The following ACTN2 variants were observed in gnomAD, a reference collection of about 807,000 sequenced individuals.
ACTN2 encodes actinin alpha 2.
A neutral mutation model predicts 113.8 loss-of-function variants in ACTN2; 39 were observed. That is an observed-to-expected ratio of 0.34 (90% confidence interval 0.27 to 0.45). The LOEUF is 0.45. ACTN2 is among the 20% of genes least tolerant of loss of function. The pLI, the probability that ACTN2 is intolerant of heterozygous loss-of-function variation, is 1.00. For synonymous variants in ACTN2, 429 were observed against 444.1 expected, an observed-to-expected ratio of 0.97 and a Z score of 0.43; for missense variants, 992 against 1,177.9, an observed-to-expected ratio of 0.84 and a Z score of 2.31.
In ACTN2 at chr1:236,755,212, A is replaced by G. The variant is rs753010996; in HGVS notation, c.2154+14A>G. On this transcript the variant is annotated intron_variant, in intron 17 of 20. Coordinates refer to ENST00000366578, the MANE Select transcript of ACTN2 (RefSeq NM_001103.4). ...TACACGATGGAGGTACGGCAGCCAGACAGGCGTGTGCCGCTCACTTCTCAC... is the reference window on the plus strand; with the variant it reads ...TACACGATGGAGGTACGGCAGCCAGGCAGGCGTGTGCCGCTCACTTCTCAC... 2 of 1,613,906 alleles carry G rather than the reference A, an allele frequency of 1.2e-6. No individual in the cohort carries two copies. The highest frequency in any genetic ancestry group is 1.7e-6 in the Non-Finnish European group (2 of 1,180,044).
intron 7 of ACTN2, among the ~76,000 whole-genome samples, chr1:236,733,201 C>G (rs1263718537): frequency 6.6e-6 from 1 of 152,156 alleles, no homozygotes; most frequent in Non-Finnish European, 1.5e-5. Flanking sequence ...AGTTTTCCCA[C>G]TTGGGTTAAT....
At chr1:236,719,941 G>A (rs550842566) in intron 3 of ACTN2, among the ~76,000 whole-genome samples, 164 bp from the exon 4 acceptor site, 129 of 152,248 alleles carry the variant, frequency 8.5e-4, no homozygotes, top group African/African-American at 3.0e-3. Context: ...TATGAATACT[G>A]TATTTATAAC....
intron 12 of ACTN2, among the ~76,000 whole-genome samples, chr1:236,747,265 G>A (rs1271010139): frequency 1.3e-5 from 2 of 152,222 alleles, no homozygotes; most frequent in African/African-American, 4.8e-5. Context: ...TCTGAGAGGA[G>A]TGATGTTTAC....
At position 236,749,936 on chromosome 1, in the gene ACTN2, A is replaced by G. The variant is rs115229290; in HGVS notation, c.1656+672A>G. ...TAGCTGCTGAGTTAACTACTTTGCAAACGTGTGCATATTACTGTTTATTTA... is the reference window on the plus strand; with the variant it reads ...TAGCTGCTGAGTTAACTACTTTGCAGACGTGTGCATATTACTGTTTATTTA... On this transcript the variant is annotated intron_variant, in intron 14 of 20. Coordinates refer to ENST00000366578, the MANE Select transcript of ACTN2 (RefSeq NM_001103.4). Among the ~76,000 whole-genome samples, 829 of 152,316 alleles carry G rather than the reference A, an allele frequency of 5.4e-3. 10 individuals carry two copies. The highest frequency in any genetic ancestry group is 0.019 in the African/African-American group (794 of 41,558).
intron 1 of ACTN2, among the ~76,000 whole-genome samples, chr1:236,698,483 A>G (rs959418203): frequency 2.6e-5 from 4 of 152,186 alleles, no homozygotes; most frequent in East Asian, 3.8e-4. Context: ...CACATTTTTG[A>G]GGGGAGGCAG....
intron 10 of ACTN2, among the ~76,000 whole-genome samples, chr1:236,739,976 T>C (rs998142193): frequency 6.6e-6 from 1 of 152,174 alleles, no homozygotes; most frequent in Non-Finnish European, 1.5e-5. Flanking sequence ...CATACAAAAG[T>C]GCTGTCAAAT....
Position 236,755,059 on chromosome 1 carries a change from A to G in ACTN2, c.2015A>G (p.Glu672Gly). 2.5e-6 allele frequency: 4 copies of G among 1,614,246 alleles called. No individual in the cohort carries two copies. Among genetic ancestry groups the G allele is most frequent in the Non-Finnish European group, 3.4e-6 (4 of 1,180,042 alleles). ...RSSIQITGAL[E>G]DQMNQLKQYE... is the part of the protein sequence containing the mutation. ...TCCATCCAGATCACAGGAGCCCTGG[A>G]AGACCAGATGAACCAGCTGAAGCAG... The change falls in exon 17 of 21, where the codon GAA becomes GGA. Residue 672 changes from glutamate (E) to glycine (G), a missense_variant. Around this residue, in one of 3 missense-constraint regions of ACTN2, gnomAD observed 736 missense variants for 815.4 expected, o/e 0.90. Coordinates refer to ENST00000366578, the MANE Select transcript of ACTN2 (RefSeq NM_001103.4).
Position 236,717,951 on chromosome 1 carries a change from C to A in ACTN2, c.220C>A (p.Leu74Met). The A allele has an allele frequency of 6.2e-7, 1 of 1,613,902 alleles. No individual in the cohort carries two copies. Among genetic ancestry groups the A allele is most frequent in the Non-Finnish European group, 8.5e-7 (1 of 1,179,870 alleles). The change falls in exon 2 of 21, where the codon CTG (leucine) becomes ATG (methionine). Residue 74 changes from leucine (L) to methionine (M), a missense_variant. By Grantham distance (15) the Leu-to-Met change is conservative. Transcript: ENST00000366578. ...EDFRNGLKLM[L>M]LLEVISGERL... ...CTTCAGGAATGGCCTTAAGCTCATG[C>A]TGCTTTTGGAAGTCATCTCAGGTTG...
At position 236,755,036 on chromosome 1, in the gene ACTN2, CATCCAG is replaced by C. The variant is rs1316807446; in HGVS notation, c.1996_2001del (p.Gln666_Ile667del). 2.5e-6 allele frequency: 4 copies of C among 1,614,224 alleles called. 1 individual carries two copies. Among genetic ancestry groups the C allele is most frequent in the Non-Finnish European group, 3.4e-6 (4 of 1,180,046 alleles). Reference sequence around the variant, plus strand: ...CCCCTCAGGAGATTGCCCGGAGCTCCATCCAGATCACAGGAGCCCTGGAAGACCAGA... The same window carrying C: ...CCCCTCAGGAGATTGCCCGGAGCTCCATCACAGGAGCCCTGGAAGACCAGA... On this transcript the variant is annotated inframe_deletion, in exon 17 of 21. Transcript: ENST00000366578.
In ACTN2 at chr1:236,736,787, G is replaced by A. The variant is rs1658890834; in HGVS notation, c.784-335G>A. 3 of 687,540 alleles carry A rather than the reference G, an allele frequency of 4.4e-6. No homozygotes were observed. The Admixed American group carries it at 8.5e-5, about 19-fold the overall frequency. 42.6% of individuals were successfully genotyped at this position (687,540 alleles called of 1,614,324 possible). A position where few individuals can be genotyped will look rare whatever the true frequency, so the allele number is the denominator to read the frequency against. ...GTGGAGAGTTCAGGTGGACATTCAG[G>A]GACCCAAGATCTTGGTTTCCTGGAC... On this transcript the variant is annotated intron_variant, in intron 8 of 20. Transcript: ENST00000366578.
intron 6 of ACTN2, among the ~76,000 whole-genome samples, chr1:236,728,289 A>G (rs967224248): frequency 1.3e-5 from 2 of 151,984 alleles, no homozygotes; most frequent in Non-Finnish European, 2.9e-5. Context: ...GACTACAGGC[A>G]TCCGCCACCA....
intron 9 of ACTN2, among the ~76,000 whole-genome samples, chr1:236,738,237 G>A (rs191416346): frequency 6.6e-6 from 1 of 152,368 alleles, no homozygotes; most frequent in Non-Finnish European, 1.5e-5. Flanking sequence ...TTGAACTCCT[G>A]ACCTCAGGTG....
chr1:236,699,649 C>T (rs886149233), intron 1 of ACTN2, among the ~76,000 whole-genome samples: 1 of 152,192 alleles, frequency 6.6e-6, no homozygotes, highest in Non-Finnish European at 1.5e-5. Context: ...TCTTTATCTA[C>T]AGGAATGCCC....
intron 1 of ACTN2, among the ~76,000 whole-genome samples, chr1:236,712,767 G>T (rs1447232577): frequency 6.6e-6 from 1 of 152,180 alleles, no homozygotes; most frequent in African/African-American, 2.4e-5. Flanking sequence ...GATATATCCA[G>T]AAGTGCTTCT....
intron 4 of ACTN2, among the ~76,000 whole-genome samples, chr1:236,723,329 G>T (rs1453486307): frequency 6.6e-6 from 1 of 152,104 alleles, no homozygotes; most frequent in African/African-American, 2.4e-5. Context: ...CCCTTAACTA[G>T]CACTTGCTAA....
intron 1 of ACTN2, among the ~76,000 whole-genome samples, chr1:236,695,224 A>AC (rs1318543600): frequency 1.3e-5 from 2 of 150,872 alleles, no homozygotes; most frequent in African/African-American, 4.9e-5. Flanking sequence ...AAAAAAAAAA[A>AC]AAAATTAGCT....
At chr1:236,753,860 C>A in intron 15 of ACTN2, 87 bp from the exon 16 acceptor site, 1 of 1,320,870 alleles carries the variant, frequency 7.6e-7, no homozygotes, top group Non-Finnish European at 1.1e-6. Flanking sequence ...CTCCCACCCC[C>A]ACCCCTTGGA....
chr1:236,720,044 G>GA, intron 3 of ACTN2, 61 bp from the exon 4 acceptor site: 1 of 1,205,992 alleles, frequency 8.3e-7, no homozygotes, highest in Non-Finnish European at 1.2e-6. Flanking sequence ...TTATATATAG[G>GA]AAAAAAGTTA....
intron 6 of ACTN2, among the ~76,000 whole-genome samples, 170 bp downstream of exon 6, chr1:236,727,926 G>A (rs1041702786): frequency 1.5e-4 from 23 of 152,110 alleles, no homozygotes; most frequent in Non-Finnish European, 2.6e-4. Flanking sequence ...CAAGTATGAA[G>A]AGTGGCCAGG....
Sources: gnomAD v4.1 joint callset for allele counts (sites outside exome capture counted in the v4.1 genomes callset) on GRCh38, gnomAD v4.1.1 for gene constraint, gnomAD v4.1.1 regional missense constraint, MANE v1.5 for transcripts, NCBI Gene and HGNC (gene_info 2026-07-23, HGNC 2026-07-21) for gene names.